ST8SIA1: variants seen among roughly 807,000 people sequenced by gnomAD.
ST8SIA1 encodes ST8 alpha-N-acetyl-neuraminide alpha-2,8-sialyltransferase 1.
ST8SIA1 carries 16 observed loss-of-function variants against 35.9 expected under a neutral mutation model. That is an observed-to-expected ratio of 0.45 (90% confidence interval 0.30 to 0.68). The LOEUF (loss-of-function observed/expected upper bound fraction) is 0.68. ST8SIA1 is among the 30% of genes least tolerant of loss of function. The probability of loss-of-function intolerance (pLI) is 0.09; values close to 1 mark genes in which losing one functional copy is unlikely to be tolerated. For missense variants in ST8SIA1, 383 were observed against 453.6 expected (o/e 0.84, Z 1.41); for synonymous variants, 170 against 169.6 (o/e 1.00, Z -0.02).
chr12:22,303,165 G>A (rs1866338358), intron 1 of ST8SIA1, among the ~76,000 whole-genome samples: 1 of 152,134 alleles, frequency 6.6e-6, no homozygotes, highest in Non-Finnish European at 1.5e-5. Context: ...TCTGACCTTT[G>A]CCAAATCTTC....
chr12:22,271,389 A>T (rs991521597), intron 2 of ST8SIA1, among the ~76,000 whole-genome samples: 5 of 152,196 alleles, frequency 3.3e-5, no homozygotes, highest in Non-Finnish European at 5.9e-5. Flanking sequence ...ATGAATATAC[A>T]TAACATATCT....
chr12:22,265,837 C>T (rs944478826), intron 2 of ST8SIA1, among the ~76,000 whole-genome samples: 5 of 152,026 alleles, frequency 3.3e-5, no homozygotes, highest in African/African-American at 1.2e-4. Flanking sequence ...CAATCCTTCA[C>T]TCTCATATCC....
At chr12:22,320,303 C>G (rs1416696832) in intron 1 of ST8SIA1, among the ~76,000 whole-genome samples, 1 of 152,144 alleles carries the variant, frequency 6.6e-6, no homozygotes, top group Non-Finnish European at 1.5e-5. Flanking sequence ...GAATTACAGT[C>G]AAGGCCCCAC....
At chr12:22,270,546 C>T (rs1427016203) in intron 2 of ST8SIA1, among the ~76,000 whole-genome samples, 3 of 151,962 alleles carry the variant, frequency 2.0e-5, no homozygotes, top group Non-Finnish European at 2.9e-5. Context: ...AATTAAAATA[C>T]TGAATTAAAA....
chr12:22,289,080 G>T (rs1012469218), intron 1 of ST8SIA1, among the ~76,000 whole-genome samples: 4 of 152,110 alleles, frequency 2.6e-5, no homozygotes, highest in African/African-American at 9.7e-5. Flanking sequence ...CAAACATTTT[G>T]TCAGAAGTGC....
At chr12:22,228,712 T>A (rs1349584731) in intron 4 of ST8SIA1, among the ~76,000 whole-genome samples, 1 of 152,124 alleles carries the variant, frequency 6.6e-6, no homozygotes, top group Non-Finnish European at 1.5e-5. Context: ...TACTGGCATC[T>A]GAAGAAAGTA....
chr12:22,284,839 G>A (rs1243802881), intron 2 of ST8SIA1, among the ~76,000 whole-genome samples: 1 of 152,274 alleles, frequency 6.6e-6, no homozygotes, highest in East Asian at 1.9e-4. Context: ...GATAATATAG[G>A]AGGCTAGTTT....
chr12:22,264,778 A>G (rs1014964537), intron 2 of ST8SIA1, among the ~76,000 whole-genome samples: 2 of 152,222 alleles, frequency 1.3e-5, no homozygotes, highest in Non-Finnish European at 2.9e-5. Context: ...ACTGTTCTTC[A>G]ATTATATGAA....
intron 1 of ST8SIA1, among the ~76,000 whole-genome samples, chr12:22,303,616 G>C (rs1866343572): frequency 6.6e-6 from 1 of 151,966 alleles, no homozygotes. Context: ...AAGTTGTTTT[G>C]CTTAACTGTT....
intron 2 of ST8SIA1, among the ~76,000 whole-genome samples, chr12:22,262,634 A>C (rs563436964): frequency 6.6e-6 from 1 of 152,210 alleles, no homozygotes; most frequent in African/African-American, 2.4e-5. Context: ...CAGGGCAAAA[A>C]GTAGGAAGTG....
chr12:22,292,958 AGT>A (rs1866197226), intron 1 of ST8SIA1, among the ~76,000 whole-genome samples: 1 of 152,230 alleles, frequency 6.6e-6, no homozygotes, highest in Non-Finnish European at 1.5e-5. Context: ...GAAAAAAGAC[AGT>A]GTTAGAGAAA....
chr12:22,270,430 A>C (rs1865899054), intron 2 of ST8SIA1, among the ~76,000 whole-genome samples: 1 of 152,242 alleles, frequency 6.6e-6, no homozygotes, highest in Admixed American at 6.5e-5. Context: ...TTTCTCTAAT[A>C]CATTTGAGTT....
intron 4 of ST8SIA1, among the ~76,000 whole-genome samples, chr12:22,227,195 C>G (rs934484977): frequency 6.6e-6 from 1 of 152,018 alleles, no homozygotes; most frequent in Non-Finnish European, 1.5e-5. Context: ...CCACCTGCCT[C>G]GGCCTCTCAA....
At chr12:22,271,608 A>C (rs1865912658) in intron 2 of ST8SIA1, among the ~76,000 whole-genome samples, 1 of 152,222 alleles carries the variant, frequency 6.6e-6, no homozygotes, top group Non-Finnish European at 1.5e-5. Context: ...ATTAAATAAA[A>C]TGATAATTAT....
intron 4 of ST8SIA1, among the ~76,000 whole-genome samples, chr12:22,209,392 T>C (rs1865151730): frequency 6.6e-6 from 1 of 152,148 alleles, no homozygotes; most frequent in Non-Finnish European, 1.5e-5. Context: ...AATATGCATA[T>C]TAAAATAAGC....
intron 1 of ST8SIA1, among the ~76,000 whole-genome samples, chr12:22,295,357 A>G (rs770871167): frequency 1.7e-4 from 26 of 152,090 alleles, no homozygotes; most frequent in Non-Finnish European, 3.5e-4. Flanking sequence ...TTAACAGGAG[A>G]AAAGTTTTAA....
At chr12:22,315,301 C>T (rs1186514860) in intron 1 of ST8SIA1, among the ~76,000 whole-genome samples, 1 of 152,124 alleles carries the variant, frequency 6.6e-6, no homozygotes, top group Non-Finnish European at 1.5e-5. Flanking sequence ...TATTCATCCC[C>T]ATCCCAACCA....
At chr12:22,271,283 C>T (rs74068794) in intron 2 of ST8SIA1, among the ~76,000 whole-genome samples, 5 of 152,170 alleles carry the variant, frequency 3.3e-5, no homozygotes, top group African/African-American at 4.8e-5. Context: ...ACAGAAAGTT[C>T]AGAGTTGGCC....
intron 2 of ST8SIA1, among the ~76,000 whole-genome samples, chr12:22,274,501 A>G (rs1865946551): frequency 6.6e-6 from 1 of 152,260 alleles, no homozygotes; most frequent in Admixed American, 6.5e-5. Context: ...CCATCCAATA[A>G]CAATTTCTTA....
Sources: gnomAD v4.1 joint callset for allele counts (sites outside exome capture counted in the v4.1 genomes callset) on GRCh38, gnomAD v4.1.1 for gene constraint, MANE v1.5 for transcripts, NCBI Gene and HGNC (gene_info 2026-07-23, HGNC 2026-07-21) for gene names.